THSD7B: variants seen among roughly 807,000 people sequenced by gnomAD.
The protein encoded by THSD7B is thrombospondin type-1 domain-containing protein 7B.
In THSD7B, 138 loss-of-function variants were observed where a neutral mutation model predicts 213.6. That is an observed-to-expected ratio of 0.65 (90% CI 0.56 to 0.74). The LOEUF (loss-of-function observed/expected upper bound fraction) is 0.74, where lower values mean the gene tolerates loss of function less well. Ranked by LOEUF, THSD7B falls within the 30% of genes least tolerant of loss-of-function variation. The pLI, the probability that THSD7B is intolerant of heterozygous loss-of-function variation, is 0.00. For missense variants in THSD7B, 1,931 were observed against 1,991.5 expected (o/e 0.97, Z 0.58); for synonymous variants, 742 against 687.0 (o/e 1.08, Z -1.25).
intron 9 of THSD7B, among the ~76,000 whole-genome samples, chr2:137,242,210 G>A (rs984963505): frequency 6.6e-6 from 1 of 152,108 alleles, no homozygotes; most frequent in Non-Finnish European, 1.5e-5. Flanking sequence ...GGTTTCAGAG[G>A]TTATTTTTTT....
intron 12 of THSD7B, among the ~76,000 whole-genome samples, chr2:137,374,166 G>A (rs563049515): frequency 3.4e-5 from 5 of 146,532 alleles, no homozygotes; most frequent in African/African-American, 1.2e-4. Flanking sequence ...GGGAGGGAGG[G>A]AGAGAGAGAG....
At chr2:137,310,260 G>A (rs1683862340) in intron 12 of THSD7B, among the ~76,000 whole-genome samples, 1 of 151,826 alleles carries the variant, frequency 6.6e-6, no homozygotes, top group Non-Finnish European at 1.5e-5. Context: ...GCCAGTGATG[G>A]TGAGCATTTT....
At chr2:137,315,534 C>A (rs1350369275) in intron 12 of THSD7B, among the ~76,000 whole-genome samples, 1 of 152,110 alleles carries the variant, frequency 6.6e-6, no homozygotes, top group African/African-American at 2.4e-5. Flanking sequence ...GCTCCTCCCC[C>A]ACTATATGTA....
intron 3 of THSD7B, among the ~76,000 whole-genome samples, chr2:137,074,796 C>A (rs1385102123): frequency 6.6e-6 from 1 of 152,172 alleles, no homozygotes; most frequent in Admixed American, 6.5e-5. Flanking sequence ...GACAAAATCT[C>A]TCAGCATTTG....
intron 15 of THSD7B, among the ~76,000 whole-genome samples, chr2:137,536,286 A>T (rs1274765833): frequency 6.6e-6 from 1 of 151,372 alleles, no homozygotes; most frequent in East Asian, 2.0e-4. Flanking sequence ...AAAAAGCCAA[A>T]TCTGTGGTAC....
intron 1 of THSD7B, among the ~76,000 whole-genome samples, chr2:136,829,368 A>G (rs2104945717): frequency 6.6e-6 from 1 of 152,102 alleles, no homozygotes; most frequent in East Asian, 1.9e-4. Context: ...GGTTGGGGAT[A>G]GATGAGAGGT....
intron 1 of THSD7B, among the ~76,000 whole-genome samples, chr2:136,851,669 G>T (rs921353629): frequency 1.3e-5 from 2 of 152,058 alleles, no homozygotes; most frequent in African/African-American, 2.4e-5. Flanking sequence ...CCTAGAGAGG[G>T]ATGTTTTTCT....
At chr2:137,581,618 A>G (rs985853326) in intron 17 of THSD7B, among the ~76,000 whole-genome samples, 2 of 151,960 alleles carry the variant, frequency 1.3e-5, no homozygotes, top group African/African-American at 4.8e-5. Flanking sequence ...ACTCCGTTTC[A>G]AAAATAATAA....
At chr2:137,571,819 T>G (rs1240195762) in intron 16 of THSD7B, among the ~76,000 whole-genome samples, 1 of 150,876 alleles carries the variant, frequency 6.6e-6, no homozygotes, top group East Asian at 1.9e-4. Flanking sequence ...TTGCCCTTTG[T>G]TTTTTTTTGA....
At chr2:136,943,797 G>A (rs547229082) in intron 2 of THSD7B, among the ~76,000 whole-genome samples, 9 of 152,030 alleles carry the variant, frequency 5.9e-5, no homozygotes, top group East Asian at 1.9e-4. Flanking sequence ...TCTTGCTAGC[G>A]GTCTGTCAAT....
chr2:137,365,685 A>C (rs1212708224), intron 12 of THSD7B, among the ~76,000 whole-genome samples: 1 of 152,234 alleles, frequency 6.6e-6, no homozygotes, highest in Non-Finnish European at 1.5e-5. Context: ...TCAAAACCAC[A>C]ATGAGATACC....
Position 137,056,629 on chromosome 2 carries a change from G to T in THSD7B, c.349G>T (p.Val117Phe), listed in dbSNP as rs1387275974. ...EVSDWHHCVL[V>F]PYARGEVKPR... ...TTCTGACTGGCACCACTGTGTGCTT[G>T]TTCCTTACGCTCGCGGTGAAGTCAA... Residue 117 changes from valine to phenylalanine, a missense_variant, in exon 3 of 28, where the codon GTT becomes TTT. Val to Phe is a conservative substitution (Grantham distance 50). Transcript: ENST00000409968. 5 of 1,613,978 alleles carry T rather than the reference G, an allele frequency of 3.1e-6. No individual in the cohort carries two copies. Among genetic ancestry groups the T allele is most frequent in the East Asian group, 2.2e-5 (1 of 44,860 alleles).
intron 15 of THSD7B, among the ~76,000 whole-genome samples, chr2:137,510,974 A>G (rs965157095): frequency 4.6e-5 from 7 of 152,128 alleles, no homozygotes; most frequent in African/African-American, 1.4e-4. Flanking sequence ...TTTGTCACCA[A>G]TTTGGGAAGG....
rs1685396840 is a variant in THSD7B at position 137,365,954 on chromosome 2, T to C, written c.2501-39659T>C. Among the ~76,000 whole-genome samples, 6 of 152,282 alleles carry C rather than the reference T, an allele frequency of 3.9e-5. No homozygotes were observed. In the South Asian group the frequency reaches 1.2e-3, roughly 32 times the overall value. ...GACACATGGACATGTATGTTTATTG[T>C]GGCACCATTCACAATAGCAAAGACT... On this transcript the variant is annotated intron_variant, in intron 12 of 27. Transcript: ENST00000409968.
chr2:137,675,445 T>TATATATATATATATATGC (rs1199450259), intron 27 of THSD7B, among the ~76,000 whole-genome samples: 7 of 114,472 alleles, frequency 6.1e-5, no homozygotes, highest in African/African-American at 2.1e-4. Context: ...TATATATATA[T>TATATATATATATATATGC]ATGCGGACAG....
intron 2 of THSD7B, among the ~76,000 whole-genome samples, chr2:136,912,129 A>T (rs1156316855): frequency 2.0e-5 from 3 of 151,916 alleles, no homozygotes; most frequent in African/African-American, 7.3e-5. Context: ...CCTGGGCAAC[A>T]TGGCACACAT....
At position 136,777,712 on chromosome 2, in the gene THSD7B, A is replaced by G. The variant is rs56774926; in HGVS notation, c.-36+12025A>G. Among the ~76,000 whole-genome samples, 909 of 152,330 alleles carry G rather than the reference A, an allele frequency of 6.0e-3. 15 individuals carry two copies. The highest frequency in any genetic ancestry group is 0.02 in the African/African-American group (851 of 41,578). ...ACTAAACATAAAATGAAAAAGTTTG[A>G]CATATATGATACTTGGCCAAAAAGA... On this transcript the variant is annotated intron_variant, in intron 1 of 27. Transcript: ENST00000409968.
At chr2:137,067,904 A>G (rs1262025572) in intron 3 of THSD7B, among the ~76,000 whole-genome samples, 3 of 152,080 alleles carry the variant, frequency 2.0e-5, no homozygotes, top group African/African-American at 4.8e-5. Context: ...TACTGAAGGT[A>G]TACTCACAAA....
chr2:137,668,941 T>C (rs1186780721), intron 27 of THSD7B, among the ~76,000 whole-genome samples: 2 of 152,100 alleles, frequency 1.3e-5, no homozygotes, highest in Non-Finnish European at 2.9e-5. Context: ...GTCTCAGGGG[T>C]GGCAGAGGCG....
Sources: allele counts gnomAD v4.1 joint callset (sites outside exome capture counted in the v4.1 genomes callset), GRCh38; gene constraint gnomAD v4.1.1; transcripts MANE v1.5; gene names NCBI Gene and HGNC (gene_info 2026-07-23, HGNC 2026-07-21).